Variants in PCDH7 observed in about 807,000 individuals in gnomAD.
The protein encoded by PCDH7 is protocadherin-7.
PCDH7 carries 17 observed loss-of-function variants against 58.9 expected under a neutral mutation model. The observed-to-expected ratio is 0.29, with a 90% confidence interval of 0.20 to 0.43. The LOEUF is 0.43. PCDH7 is among the 20% of genes least tolerant of loss of function. PCDH7 has a pLI of 1.00. For missense variants in PCDH7, 1,274 were observed against 1,441.0 expected, an observed-to-expected ratio of 0.88 and a Z score of 1.88; for synonymous variants, 664 against 616.4, an observed-to-expected ratio of 1.08 and a Z score of -1.14.
At chr4:30,989,415 A>G (rs1751268667) in intron 3 of PCDH7, among the ~76,000 whole-genome samples, 1 of 152,198 alleles carries the variant, frequency 6.6e-6, no homozygotes, top group Non-Finnish European at 1.5e-5. Flanking sequence ...CTGCAGTAAT[A>G]TCGGCCACCT....
In PCDH7 at chr4:30,802,253, A is replaced by G. The variant is rs576332608; in HGVS notation, c.70+77657A>G. Reference sequence around the variant, plus strand: ...CTGAAGTGAGAAAAGGCTATTTTATATAGCATTTCTAATAGTTTCATCAGT... The same window carrying G: ...CTGAAGTGAGAAAAGGCTATTTTATGTAGCATTTCTAATAGTTTCATCAGT... On this transcript the variant is annotated intron_variant, in intron 1 of 3. Transcript: ENST00000509759. 2.9e-4 allele frequency among the ~76,000 whole-genome samples: 44 copies of G among 152,022 alleles called. No homozygotes were observed. The Middle Eastern group carries it at 0.01, about 35-fold the overall frequency.
intron 3 of PCDH7, among the ~76,000 whole-genome samples, chr4:30,989,651 T>C (rs1189089992): frequency 1.3e-5 from 2 of 152,152 alleles, no homozygotes; most frequent in South Asian, 2.1e-4. Context: ...TTTTAGGCAA[T>C]GTTTTGGAGG....
At chr4:30,788,061 G>A (rs1723642696) in intron 1 of PCDH7, among the ~76,000 whole-genome samples, 1 of 152,030 alleles carries the variant, frequency 6.6e-6, no homozygotes, top group African/African-American at 2.4e-5. Context: ...CAGACACTTG[G>A]AAACTCATAG....
At chr4:31,071,172 G>A (rs1057343999) in intron 3 of PCDH7, among the ~76,000 whole-genome samples, 7 of 151,984 alleles carry the variant, frequency 4.6e-5, no homozygotes, top group Non-Finnish European at 8.8e-5. Flanking sequence ...GTCTTTAATA[G>A]ATTCTTTTTT....
At chr4:30,811,068 G>A (rs1000779655) in intron 1 of PCDH7, among the ~76,000 whole-genome samples, 1 of 152,142 alleles carries the variant, frequency 6.6e-6, no homozygotes, top group Non-Finnish European at 1.5e-5. Flanking sequence ...TACCATGACG[G>A]ATTATTGCTA....
At chr4:30,762,974 G>A (rs1720217625) in intron 1 of PCDH7, among the ~76,000 whole-genome samples, 1 of 152,192 alleles carries the variant, frequency 6.6e-6, no homozygotes, top group African/African-American at 2.4e-5. Flanking sequence ...CAGGCATGGT[G>A]GCTCATGCCT....
At chr4:30,848,954 T>A (rs938404282) in intron 1 of PCDH7, among the ~76,000 whole-genome samples, 4 of 152,118 alleles carry the variant, frequency 2.6e-5, no homozygotes, top group Non-Finnish European at 4.4e-5. Context: ...ACTATTGAGG[T>A]TGAACCCTTT....
At chr4:30,995,803 T>C (rs1030160903) in intron 3 of PCDH7, among the ~76,000 whole-genome samples, 1 of 152,132 alleles carries the variant, frequency 6.6e-6, no homozygotes, top group Non-Finnish European at 1.5e-5. Context: ...CAAAGCCATA[T>C]TGAGCCTTAT....
intron 1 of PCDH7, among the ~76,000 whole-genome samples, chr4:30,836,962 G>T (rs1295197593): frequency 6.6e-6 from 1 of 152,098 alleles, no homozygotes; most frequent in Non-Finnish European, 1.5e-5. Flanking sequence ...GACAGTTGAG[G>T]CTCCTCCTTG....
In PCDH7 at chr4:31,118,491, T is replaced by C. The variant is rs80156603; in HGVS notation, c.*8-23982T>C. Among the ~76,000 whole-genome samples the C allele has an allele frequency of 2.0e-4, 31 of 152,196 alleles. 1 individual carries two copies. In the East Asian group the frequency reaches 6.0e-3, roughly 29 times the overall value. On this transcript the variant is annotated intron_variant, in intron 3 of 3. Transcript: ENST00000509759. The stretch of plus-strand genomic sequence containing the variant: ...CAAAGCTGATCCATCATCTTTCCAG[T>C]TTAAGAAAGATTTTAGCTGAAAACA...
chr4:30,829,662 G>A (rs534712786), intron 1 of PCDH7, among the ~76,000 whole-genome samples: 75 of 152,168 alleles, frequency 4.9e-4, no homozygotes, highest in Middle Eastern at 3.4e-3. Context: ...CTTACCACAT[G>A]TCATTATTTT....
intron 1 of PCDH7, among the ~76,000 whole-genome samples, chr4:30,801,204 T>C (rs988967105): frequency 3.3e-5 from 5 of 152,140 alleles, no homozygotes; most frequent in African/African-American, 1.2e-4. Context: ...GGATAAGATA[T>C]TTGCTTCAGA....
intron 3 of PCDH7, among the ~76,000 whole-genome samples, chr4:31,069,883 T>C (rs1184920368): frequency 1.1e-5 from 1 of 94,164 alleles, no homozygotes. Context: ...CTTGATTCAT[T>C]TGATGGTTCT....
intron 1 of PCDH7, among the ~76,000 whole-genome samples, chr4:30,818,876 G>T (rs114585359): frequency 6.6e-6 from 1 of 152,094 alleles, no homozygotes; most frequent in Admixed American, 6.6e-5. Context: ...GGGCTCAAAA[G>T]AGAGGTTTTC....
chr4:31,042,599 G>A (rs1204689308), intron 3 of PCDH7, among the ~76,000 whole-genome samples: 1 of 152,016 alleles, frequency 6.6e-6, no homozygotes, highest in Non-Finnish European at 1.5e-5. Context: ...GGAAGCATTG[G>A]GGAAGGATTA....
chr4:30,748,781 T>G (rs533468815), intron 1 of PCDH7, among the ~76,000 whole-genome samples: 1 of 152,132 alleles, frequency 6.6e-6, no homozygotes, highest in Non-Finnish European at 1.5e-5. Context: ...AGGGTTAAAT[T>G]TGATAATGAT....
intron 3 of PCDH7, among the ~76,000 whole-genome samples, chr4:31,071,451 T>A (rs1467057938): frequency 6.6e-6 from 1 of 152,052 alleles, no homozygotes; most frequent in Non-Finnish European, 1.5e-5. Flanking sequence ...GGGGGCAGCC[T>A]TTCATAAACT....
At chr4:31,023,458 T>G (rs1439569499) in intron 3 of PCDH7, among the ~76,000 whole-genome samples, 1 of 152,196 alleles carries the variant, frequency 6.6e-6, no homozygotes, top group Non-Finnish European at 1.5e-5. Context: ...TCCTGCTCTC[T>G]CTCTAATTTA....
intron 3 of PCDH7, among the ~76,000 whole-genome samples, chr4:30,988,058 C>T (rs1255725563): frequency 6.6e-6 from 1 of 152,062 alleles, no homozygotes; most frequent in African/African-American, 2.4e-5. Flanking sequence ...ATGCTGTTCC[C>T]TAGAAAGCAC....
Sources: allele counts gnomAD v4.1 joint callset (sites outside exome capture counted in the v4.1 genomes callset), GRCh38; gene constraint gnomAD v4.1.1; transcripts MANE v1.5; gene names NCBI Gene and HGNC (gene_info 2026-07-23, HGNC 2026-07-21).